Variants in ANO4 observed in about 807,000 individuals in gnomAD.
ANO4 encodes anoctamin-4.
Under a neutral mutation model 141.9 loss-of-function variants are expected in ANO4, and 69 were observed. That is an observed-to-expected ratio of 0.49 (90% CI 0.40 to 0.59). ANO4 has a LOEUF of 0.59. Among genes scored for constraint, ANO4 ranks in the 20% least tolerant of loss-of-function variants. ANO4 has a pLI of 0.00. For synonymous variants in ANO4, 350 were observed against 394.3 expected (o/e 0.89, Z 1.33); for missense variants, 894 against 1,162.2 (o/e 0.77, Z 3.36).
At chr12:100,870,777 A>G (rs957702495) in intron 1 of ANO4, among the ~76,000 whole-genome samples, 38 of 152,072 alleles carry the variant, frequency 2.5e-4, no homozygotes, top group African/African-American at 8.5e-4. Flanking sequence ...GGCAGGAACT[A>G]TTTTCTTATT....
intron 1 of ANO4, among the ~76,000 whole-genome samples, chr12:100,830,849 T>C (rs2036594223): frequency 6.6e-6 from 1 of 152,136 alleles, no homozygotes; most frequent in African/African-American, 2.4e-5. Context: ...TTAGCTTAAG[T>C]ATCCACTTTG....
chr12:100,938,462 G>A (rs913224162), intron 3 of ANO4, among the ~76,000 whole-genome samples: 3 of 152,188 alleles, frequency 2.0e-5, no homozygotes, highest in African/African-American at 7.2e-5. Context: ...TTTGTGCAGT[G>A]GCTTCTGACA....
upstream of ANO4, among the ~76,000 whole-genome samples, chr12:100,790,990 A>G (rs1370350484): frequency 6.6e-6 from 1 of 152,194 alleles, no homozygotes; most frequent in East Asian, 1.9e-4. Context: ...GAGGGACCAT[A>G]CTTTAATGTG....
chr12:100,864,744 G>T (rs1226857127), intron 1 of ANO4, among the ~76,000 whole-genome samples: 1 of 152,144 alleles, frequency 6.6e-6, no homozygotes, highest in Non-Finnish European at 1.5e-5. Flanking sequence ...GTGCAGGTTT[G>T]TTACATAGAT....
rs751840736 is a variant in ANO4 at position 101,126,853 on chromosome 12, C to T, written c.2677-26C>T. ...CATTCAGGATGCACAGTAGACCTGA[C>T]GCTGTTACATTCTCCTCTGTTTTAG... On this transcript the variant is annotated intron_variant, in intron 26 of 27. Transcript: ENST00000392977. The T allele has an allele frequency of 1.9e-5, 30 of 1,578,124 alleles. No individual in the cohort carries two copies. The East Asian group carries it at 3.4e-4, about 18-fold the overall frequency.
intron 3 of ANO4, among the ~76,000 whole-genome samples, chr12:100,930,181 C>T (rs1262579590): frequency 6.6e-6 from 1 of 152,076 alleles, no homozygotes; most frequent in African/African-American, 2.4e-5. Flanking sequence ...AGCTTTTTAA[C>T]TTGATGTGAT....
chr12:100,901,937 C>G, intron 2 of ANO4, 97 bp downstream of exon 2: 1 of 1,222,886 alleles, frequency 8.2e-7, no homozygotes, highest in Non-Finnish European at 1.1e-6. Context: ...ATACTTTCAG[C>G]TAAGCTTGCT....
rs1053026894 is a variant in ANO4 at position 100,973,350 on chromosome 12, C to T, written c.558-1495C>T. 1.9e-4 allele frequency among the ~76,000 whole-genome samples: 29 copies of T among 152,238 alleles called. 1 individual carries two copies. Among genetic ancestry groups the T allele is most frequent in the Admixed American group, 4.6e-4 (7 of 15,302 alleles). On this transcript the variant is annotated intron_variant, in intron 6 of 27. Coordinates refer to ENST00000392977, the MANE Select transcript of ANO4 (RefSeq NM_001286615.2). ...ACATCATTTTAGCTGAATTTTAATA[C>T]GCAAAGAATCTTACCTGTATTCATA... is the stretch of plus-strand genomic sequence containing the variant.
intron 8 of ANO4, among the ~76,000 whole-genome samples, chr12:101,013,816 A>G (rs1455477620): frequency 6.6e-6 from 1 of 152,350 alleles, no homozygotes; most frequent in East Asian, 1.9e-4. Context: ...GCTGGAGTCT[A>G]GATTAATCTA....
Position 101,128,211 on chromosome 12 carries a change from T to C in ANO4, c.*355T>C, listed in dbSNP as rs1221633523. Reference sequence around the variant, plus strand: ...TTTTTGCATTCTATCCCATGTGAATTTTACAGACACTGGGCTAAAAAGGGT... The same window carrying C: ...TTTTTGCATTCTATCCCATGTGAATCTTACAGACACTGGGCTAAAAAGGGT... On this transcript the variant is annotated 3_prime_UTR_variant, in exon 28 of 28. Transcript: ENST00000392977. The C allele has an allele frequency of 6.6e-6, 1 of 152,594 alleles. No homozygotes were observed. Among genetic ancestry groups the C allele is most frequent in the Non-Finnish European group, 1.5e-5 (1 of 68,014 alleles). 9.5% of individuals were successfully genotyped at this position (152,594 alleles called of 1,614,324 possible).
exon 3 of ANO4, chr12:100,739,877 G>T: frequency 2.8e-6 from 2 of 702,544 alleles, no homozygotes; most frequent in Non-Finnish European, 5.2e-6. Flanking sequence ...GGGGCCTGTG[G>T]CAATTGGGCT....
intron 1 of ANO4, among the ~76,000 whole-genome samples, chr12:100,886,698 C>T (rs1429410853): frequency 6.6e-6 from 1 of 152,214 alleles, no homozygotes; most frequent in Non-Finnish European, 1.5e-5. Flanking sequence ...AACTCAGTCA[C>T]ACTCATTCGT....
intron 1 of ANO4, chr12:100,842,167 T>A (rs1340262610): frequency 6.6e-6 from 1 of 151,454 alleles, no homozygotes; most frequent in African/African-American, 2.4e-5. Context: ...CTTTTTGTCA[T>A]CTTTGGCATT....
Position 101,128,593 on chromosome 12 carries a change from A to G in ANO4, c.*737A>G, listed in dbSNP as rs142660042. On this transcript the variant is annotated 3_prime_UTR_variant, in exon 28 of 28. Coordinates refer to ENST00000392977, the MANE Select transcript of ANO4 (RefSeq NM_001286615.2). Reference sequence around the variant, plus strand: ...CCATGATTAATGCTTGTATAATGTGATGCAATAAAATTTAAAATAAATTTC... The same window carrying G: ...CCATGATTAATGCTTGTATAATGTGGTGCAATAAAATTTAAAATAAATTTC... The G allele has an allele frequency of 6.5e-6, 1 of 152,776 alleles. No individual in the cohort carries two copies. Among genetic ancestry groups the G allele is most frequent in the Non-Finnish European group, 1.5e-5 (1 of 68,032 alleles). The allele number at this position is 152,776 out of a possible 1,614,324, so 9.5% of individuals were successfully genotyped here.
At chr12:101,008,827 A>G (rs2045969043) in intron 8 of ANO4, among the ~76,000 whole-genome samples, 4 of 152,134 alleles carry the variant, frequency 2.6e-5, no homozygotes, top group Admixed American at 2.0e-4. Flanking sequence ...CCTTCTGACA[A>G]GTTCCAATCT....
At chr12:101,083,651 A>G in intron 15 of ANO4, 27 bp from the exon 16 acceptor site, 5 of 1,595,928 alleles carry the variant, frequency 3.1e-6, no homozygotes, top group Non-Finnish European at 4.3e-6. Context: ...TCTTTAGTGC[A>G]TTAAAATGTG....
intron 2 of ANO4, 94 bp downstream of exon 2, chr12:100,901,934 C>A: frequency 8.1e-7 from 1 of 1,241,226 alleles, no homozygotes; most frequent in Non-Finnish European, 1.1e-6. Context: ...GCCATACTTT[C>A]AGCTAAGCTT....
intron 1 of ANO4, chr12:100,733,707 A>G: frequency 3.0e-6 from 2 of 661,004 alleles, no homozygotes; most frequent in Non-Finnish European, 5.5e-6. Flanking sequence ...CCAGTCATAT[A>G]TTTACATTGT....
At chr12:100,958,818 AG>A (rs1197614286) in intron 5 of ANO4, among the ~76,000 whole-genome samples, 1 of 152,238 alleles carries the variant, frequency 6.6e-6, no homozygotes, top group African/African-American at 2.4e-5. Flanking sequence ...CCTGCGATCC[AG>A]CCTGGGCAAC....
Sources: allele counts gnomAD v4.1 joint callset (sites outside exome capture counted in the v4.1 genomes callset), GRCh38; gene constraint gnomAD v4.1.1; transcripts MANE v1.5; gene names NCBI Gene and HGNC (gene_info 2026-07-23, HGNC 2026-07-21).